Variants in DDX50 observed in about 807,000 individuals in gnomAD.
DDX50 encodes DExD-box helicase 50.
Under a neutral mutation model 94.8 loss-of-function variants are expected in DDX50, and 56 were observed. That is an observed-to-expected ratio of 0.59 (90% CI 0.48 to 0.74). The LOEUF is 0.74. Ranked by LOEUF, DDX50 falls within the 30% of genes least tolerant of loss-of-function variation. The pLI is 0.00. For missense variants in DDX50, 713 were observed against 881.2 expected (o/e 0.81, Z 2.42); for synonymous variants, 264 against 295.4 (o/e 0.89, Z 1.09).
intron 14 of DDX50, among the ~76,000 whole-genome samples, chr10:68,944,797 G>A (rs980073792): frequency 3.3e-5 from 5 of 151,988 alleles, no homozygotes; most frequent in African/African-American, 7.3e-5. Context: ...CGCCCGCCTC[G>A]GCCTCCCAAA....
intron 2 of DDX50, among the ~76,000 whole-genome samples, chr10:68,909,556 C>T (rs1302930157): frequency 6.6e-6 from 1 of 152,064 alleles, no homozygotes; most frequent in Non-Finnish European, 1.5e-5. Context: ...ATAATTTTGT[C>T]TACATCTGTA....
Position 68,944,270 on chromosome 10 carries a change from C to T in DDX50, c.1935+1013C>T, listed in dbSNP as rs1033623289. On this transcript the variant is annotated intron_variant, in intron 14 of 14. Coordinates refer to ENST00000373585, the MANE Select transcript of DDX50 (RefSeq NM_024045.2). ...TGATGTTTCTTAAGTCTCTTTTAAT[C>T]TATAGGTTCTTCCTCCTCCCTCTCT... Among the ~76,000 whole-genome samples the T allele has an allele frequency of 2.0e-5, 3 of 152,052 alleles. No individual in the cohort carries two copies. In the South Asian group the frequency reaches 6.2e-4, roughly 32 times the overall value.
chr10:68,943,010 C>T (rs1173779060), intron 13 of DDX50, among the ~76,000 whole-genome samples: 1 of 152,108 alleles, frequency 6.6e-6, no homozygotes, highest in Non-Finnish European at 1.5e-5. Flanking sequence ...CATGGAACAA[C>T]ATATAGGGTC....
chr10:68,917,504 C>G (rs1008425689), intron 7 of DDX50, among the ~76,000 whole-genome samples: 1 of 152,178 alleles, frequency 6.6e-6, no homozygotes, highest in African/African-American at 2.4e-5. Flanking sequence ...TTCCCACAGT[C>G]TGTTTTGCTG....
intron 1 of DDX50, among the ~76,000 whole-genome samples, chr10:68,902,593 ACT>A: frequency 6.6e-6 from 1 of 151,826 alleles, no homozygotes; most frequent in East Asian, 1.9e-4. Context: ...CCAGACTGAA[ACT>A]CTGTGCCCAT....
chr10:68,911,004 A>G (rs1200826246), intron 3 of DDX50, 64 bp from the exon 4 acceptor site: 2 of 1,223,830 alleles, frequency 1.6e-6, no homozygotes, highest in Non-Finnish European at 2.2e-6. Flanking sequence ...GTCATTTTCA[A>G]ATGAATATAT....
rs1165903071 is a variant in DDX50, at chr10:68,906,880, C to T, written c.257C>T (p.Ser86Phe). The change falls in exon 2 of 15, where the codon TCC becomes TTC. Residue 86 changes from serine to phenylalanine, a missense_variant. By Grantham distance (155) the Ser-to-Phe change is radical. Transcript: ENST00000373585. Reference protein sequence around the residue: ...EGFNRLSDEFSKSHKSRRKDL... With the variant: ...EGFNRLSDEFFKSHKSRRKDL... ...TTTAATAGACTTTCAGATGAATTCT[C>T]CAAATCTCATAAGTCAAGAAGAAAA... is the stretch of plus-strand genomic sequence containing the variant. 1 of 1,611,136 alleles carries T rather than the reference C, an allele frequency of 6.2e-7. No individual in the cohort carries two copies. Among genetic ancestry groups the T allele is most frequent in the Non-Finnish European group, 8.5e-7 (1 of 1,179,494 alleles).
intron 8 of DDX50, among the ~76,000 whole-genome samples, chr10:68,931,053 A>G (rs1842249949): frequency 6.6e-6 from 1 of 152,266 alleles, no homozygotes; most frequent in East Asian, 1.9e-4. Context: ...GCCCCAAGCT[A>G]GGTCAGATTG....
chr10:68,944,657 C>T (rs958375431), intron 14 of DDX50, among the ~76,000 whole-genome samples: 2 of 152,120 alleles, frequency 1.3e-5, no homozygotes, highest in Admixed American at 1.3e-4. Flanking sequence ...AGCGATTCTC[C>T]TCCCTCAGCC....
chr10:68,917,523 C>T (rs1841830638), intron 7 of DDX50, among the ~76,000 whole-genome samples: 1 of 152,138 alleles, frequency 6.6e-6, no homozygotes, highest in Non-Finnish European at 1.5e-5. Context: ...TGATTTGCAT[C>T]CCTGTGGTTT....
intron 7 of DDX50, among the ~76,000 whole-genome samples, chr10:68,916,594 C>T (rs1247696841): frequency 6.6e-6 from 1 of 152,160 alleles, no homozygotes; most frequent in East Asian, 1.9e-4. Flanking sequence ...GAAACAATCC[C>T]AGTCATCATT....
intron 3 of DDX50, 72 bp from the exon 4 acceptor site, chr10:68,910,996 C>T (rs1841609705): frequency 8.5e-7 from 1 of 1,177,582 alleles, no homozygotes; most frequent in Non-Finnish European, 1.1e-6. Context: ...TTATGATTGT[C>T]ATTTTCAAAT....
At chr10:68,916,483 A>C (rs940090195) in intron 7 of DDX50, among the ~76,000 whole-genome samples, 3 of 152,144 alleles carry the variant, frequency 2.0e-5, no homozygotes, top group Admixed American at 6.5e-5. Context: ...TATAAAATTG[A>C]ATAGTAAATT....
chr10:68,939,508 C>G (rs1842505782), intron 12 of DDX50, among the ~76,000 whole-genome samples: 1 of 152,118 alleles, frequency 6.6e-6, no homozygotes, highest in Non-Finnish European at 1.5e-5. Context: ...TTTCCTCTTG[C>G]TATCTTCTTG....
chr10:68,901,462 G>A lies in DDX50; in HGVS notation c.78G>A (p.Glu26=), dbSNP rs1472174530. 7.6e-6 allele frequency: 12 copies of A among 1,571,152 alleles called. No individual in the cohort carries two copies. In the East Asian group the frequency reaches 1.7e-4, roughly 22 times the overall value. ...AGGAGTCCGAGAGCCAGAAGAAGGAGAGGCAAAAGGTGCGCTGAGCATGGG... is the reference window on the plus strand; with the variant it reads ...AGGAGTCCGAGAGCCAGAAGAAGGAAAGGCAAAAGGTGCGCTGAGCATGGG... The part of the protein sequence containing the change: ...PLEESESQKK[E]RQKSDRRKSR... The change falls in exon 1 of 15, where the codon GAG becomes GAA. Residue 26 remains glutamate (E), a synonymous_variant. Transcript: ENST00000373585.
At chr10:68,905,351 TAAA>T (rs71031803) in intron 1 of DDX50, among the ~76,000 whole-genome samples, 2 of 140,264 alleles carry the variant, frequency 1.4e-5, no homozygotes, top group South Asian at 2.2e-4. Flanking sequence ...ATTTAAAACG[TAAA>T]AAAAAAAAAA....
intron 1 of DDX50, among the ~76,000 whole-genome samples, chr10:68,904,932 ACT>A (rs911939274): frequency 2.0e-5 from 3 of 152,244 alleles, no homozygotes; most frequent in African/African-American, 7.2e-5. Context: ...ATGTGAAATA[ACT>A]CTAAAAGTTG....
chr10:68,918,803 T>C (rs1314274781), intron 7 of DDX50, among the ~76,000 whole-genome samples: 1 of 152,202 alleles, frequency 6.6e-6, no homozygotes, highest in Non-Finnish European at 1.5e-5. Context: ...GTTTTGGATA[T>C]TTCATGTACA....
Position 68,946,514 on chromosome 10 carries a change from C to T in DDX50, c.2098C>T (p.Arg700Trp), listed in dbSNP as rs780300403. 1.1e-5 allele frequency: 18 copies of T among 1,614,058 alleles called. No homozygotes were observed. The highest frequency in any genetic ancestry group is 5.5e-5 in the South Asian group (5 of 91,088). ...CCGGTCAGGTGGTCGATCTGGCGGCCGGTCAGGTAGACAGAGTCGACAAGG... is the reference window on the plus strand; with the variant it reads ...CCGGTCAGGTGGTCGATCTGGCGGCTGGTCAGGTAGACAGAGTCGACAAGG... ...SGRSGGRSGGRSGRQSRQGSR... is the reference protein window; with the variant it reads ...SGRSGGRSGGWSGRQSRQGSR... The change falls in exon 15 of 15, where the codon CGG becomes TGG. Residue 700 changes from arginine to tryptophan, a missense_variant. This residue lies in a region of DDX50 where 428 missense variants were observed against 602.3 expected (regional missense o/e 0.71). Transcript: ENST00000373585.
Sources: allele counts gnomAD v4.1 joint callset (sites outside exome capture counted in the v4.1 genomes callset), GRCh38; gene constraint gnomAD v4.1.1; regional missense constraint gnomAD v4.1.1; transcripts MANE v1.5; gene names NCBI Gene and HGNC (gene_info 2026-07-23, HGNC 2026-07-21).